GPR158: variants seen among roughly 807,000 people sequenced by gnomAD.
GPR158 encodes the protein metabotropic glycine receptor.
In GPR158, 30 loss-of-function variants were observed where a neutral mutation model predicts 78.2. That is an observed-to-expected ratio of 0.38 (90% CI 0.29 to 0.52). The LOEUF is 0.52. Ranked by LOEUF, GPR158 falls within the 20% of genes least tolerant of loss-of-function variation. GPR158 has a pLI of 0.83. For synonymous variants in GPR158, 581 were observed against 591.1 expected (o/e 0.98, Z 0.25); for missense variants, 1,463 against 1,523.5 (o/e 0.96, Z 0.66).
At chr10:25,321,222 T>C (rs824153) in intron 2 of GPR158, among the ~76,000 whole-genome samples, 124,043 of 152,172 alleles carry the variant, frequency 0.82, 51,586 homozygotes, top group African/African-American at 0.9. Context: ...ATATGTATTT[T>C]TATTGGTGTG....
chr10:25,526,616 T>A (rs1194455538), intron 5 of GPR158, among the ~76,000 whole-genome samples: 1 of 152,220 alleles, frequency 6.6e-6, no homozygotes, highest in African/African-American at 2.4e-5. Flanking sequence ...CTCAATAATA[T>A]AAGGCTGAAG....
intron 6 of GPR158, among the ~76,000 whole-genome samples, chr10:25,567,744 T>C (rs146854982): frequency 6.6e-6 from 1 of 152,246 alleles, no homozygotes; most frequent in Non-Finnish European, 1.5e-5. Context: ...TGTTTTACCA[T>C]ACTAAATTTT....
chr10:25,564,551 C>T (rs1012451874), intron 6 of GPR158, among the ~76,000 whole-genome samples: 2 of 152,118 alleles, frequency 1.3e-5, no homozygotes, highest in Non-Finnish European at 2.9e-5. Flanking sequence ...AAAACAAAAG[C>T]AAGCCCTTTG....
At chr10:25,583,059 C>T (rs2130742066) in intron 7 of GPR158, among the ~76,000 whole-genome samples, 1 of 152,346 alleles carries the variant, frequency 6.6e-6, no homozygotes, top group African/African-American at 2.4e-5. Context: ...AGGCTCCAAT[C>T]TGCTGCTCAC....
chr10:25,381,303 G>A (rs1834151348), intron 2 of GPR158, among the ~76,000 whole-genome samples: 1 of 150,714 alleles, frequency 6.6e-6, no homozygotes, highest in Non-Finnish European at 1.5e-5. Context: ...GAGCAAGGGT[G>A]GTGAGAGCCA....
At chr10:25,401,694 T>A (rs1834447958) in intron 3 of GPR158, among the ~76,000 whole-genome samples, 1 of 152,106 alleles carries the variant, frequency 6.6e-6, no homozygotes, top group African/African-American at 2.4e-5. Context: ...CCCCAAATAT[T>A]AAAGACCTCT....
Position 25,441,076 on chromosome 10 carries a change from A to G in GPR158, c.1336-25575A>G, listed in dbSNP as rs1272061693. On this transcript the variant is annotated intron_variant, in intron 4 of 10. Transcript: ENST00000376351. Reference sequence around the variant, plus strand: ...AAAAGGCTATAACCCTTGTGGGCCTATGGCAGTAGAAATTTCATACATAAT... The same window carrying G: ...AAAAGGCTATAACCCTTGTGGGCCTGTGGCAGTAGAAATTTCATACATAAT... 3.3e-5 allele frequency among the ~76,000 whole-genome samples: 5 copies of G among 152,224 alleles called. 1 individual carries two copies. The highest frequency in any genetic ancestry group is 7.3e-5 in the Non-Finnish European group (5 of 68,032).
intron 2 of GPR158, among the ~76,000 whole-genome samples, chr10:25,292,314 C>A (rs1854450786): frequency 6.6e-6 from 1 of 152,038 alleles, no homozygotes; most frequent in Admixed American, 6.5e-5. Flanking sequence ...TTTAAAGAAA[C>A]ATTTAGATTA....
intron 2 of GPR158, among the ~76,000 whole-genome samples, chr10:25,282,973 T>G (rs1431479915): frequency 6.6e-6 from 1 of 152,126 alleles, no homozygotes; most frequent in Non-Finnish European, 1.5e-5. Context: ...TAGTTTTCTT[T>G]TTTTGTAATG....
Position 25,514,657 on chromosome 10 carries a change from G to A in GPR158, c.1405-36319G>A, listed in dbSNP as rs1413403571. Among the ~76,000 whole-genome samples, 3 of 152,096 alleles carry A rather than the reference G, an allele frequency of 2.0e-5. No individual in the cohort carries two copies. In the South Asian group the frequency reaches 6.2e-4, roughly 31 times the overall value. ...GAGGTTTTATTTTGGTGTATTTCAA[G>A]GATTTATTTCAAGATTTAGAGCTCC... is the stretch of plus-strand genomic sequence containing the variant. On this transcript the variant is annotated intron_variant, in intron 5 of 10. Coordinates refer to ENST00000376351, the MANE Select transcript of GPR158 (RefSeq NM_020752.3).
chr10:25,185,810 A>G (rs566559087), intron 1 of GPR158, among the ~76,000 whole-genome samples: 30 of 148,762 alleles, frequency 2.0e-4, no homozygotes, highest in Admixed American at 1.3e-3. Flanking sequence ...GCGACAGAGA[A>G]AAAAAAAAAA....
chr10:25,339,103 G>T (rs1048752903), intron 2 of GPR158, among the ~76,000 whole-genome samples: 14 of 149,200 alleles, frequency 9.4e-5, no homozygotes, highest in African/African-American at 3.2e-4. Context: ...TCCTGCCTCA[G>T]TCTTCCAAGT....
At chr10:25,322,535 T>A (rs569120959) in intron 2 of GPR158, among the ~76,000 whole-genome samples, 1 of 152,372 alleles carries the variant, frequency 6.6e-6, no homozygotes, top group South Asian at 2.1e-4. Flanking sequence ...ATATTTTGAC[T>A]TTCTAGCATG....
Position 25,599,000 on chromosome 10 carries a change from T to A in GPR158, c.3374T>A (p.Val1125Glu), listed in dbSNP as rs1191866479. 1.9e-6 allele frequency: 3 copies of A among 1,614,036 alleles called. No individual in the cohort carries two copies. The highest frequency in any genetic ancestry group is 2.5e-6 in the Non-Finnish European group (3 of 1,180,038). ...AGCGAAGAACTGCCCCCCAAAGCTGTAGCATCAAAAACAGAGAATGAAAAT... is the reference window on the plus strand; with the variant it reads ...AGCGAAGAACTGCCCCCCAAAGCTGAAGCATCAAAAACAGAGAATGAAAAT... ...GQSEELPPKA[V>E]ASKTENENLN... The change falls in exon 11 of 11, where the codon GTA becomes GAA. Residue 1125 changes from valine (V) to glutamate (E), a missense_variant. By Grantham distance (121) the Val-to-Glu change is moderately radical. Transcript: ENST00000376351.
At chr10:25,564,986 T>G (rs889431419) in intron 6 of GPR158, among the ~76,000 whole-genome samples, 1 of 152,302 alleles carries the variant, frequency 6.6e-6, no homozygotes, top group African/African-American at 2.4e-5. Context: ...GGTAGATAAC[T>G]GCCATTTTCA....
chr10:25,597,570 C>T (rs1191884475), intron 10 of GPR158, among the ~76,000 whole-genome samples: 1 of 152,172 alleles, frequency 6.6e-6, no homozygotes, highest in African/African-American at 2.4e-5. Flanking sequence ...TCTTAAGGTC[C>T]ACACTTTATG....
At chr10:25,371,356 C>A (rs1249516529) in intron 2 of GPR158, among the ~76,000 whole-genome samples, 1 of 151,690 alleles carries the variant, frequency 6.6e-6, no homozygotes, top group African/African-American at 2.4e-5. Flanking sequence ...TCTTTTAGGG[C>A]AGGCCTGGTG....
chr10:25,282,677 C>T (rs956711159), intron 2 of GPR158, among the ~76,000 whole-genome samples: 16 of 152,058 alleles, frequency 1.1e-4, no homozygotes, highest in Non-Finnish European at 1.6e-4. Context: ...CTCATAGATA[C>T]GTGTGTACTT....
chr10:25,189,909 G>A (rs1394942111), intron 1 of GPR158, among the ~76,000 whole-genome samples: 2 of 150,932 alleles, frequency 1.3e-5, no homozygotes, highest in Non-Finnish European at 3.0e-5. Flanking sequence ...AAGAGGGAAG[G>A]GGGGTACAGT....
Sources: gnomAD v4.1 joint callset for allele counts (sites outside exome capture counted in the v4.1 genomes callset) on GRCh38, gnomAD v4.1.1 for gene constraint, MANE v1.5 for transcripts, NCBI Gene and HGNC (gene_info 2026-07-23, HGNC 2026-07-21) for gene names.